The following GNAO1 variants were observed in gnomAD, a reference collection of about 807,000 sequenced individuals.
GNAO1 encodes G protein subunit alpha o1, also known as guanine nucleotide-binding protein G(o) subunit alpha.
For synonymous variants in GNAO1, 164 were observed against 180.7 expected, an observed-to-expected ratio of 0.91 and a Z score of 0.74; for missense variants, 166 against 478.7, an observed-to-expected ratio of 0.35 and a Z score of 6.10.
At chr16:56,207,082 A>G (rs1474627382) in intron 2 of GNAO1, among the ~76,000 whole-genome samples, 1 of 152,260 alleles carries the variant, frequency 6.6e-6, no homozygotes, top group Non-Finnish European at 1.5e-5. Context: ...CAAGCAATTC[A>G]TGATCTCCTT....
At chr16:56,283,249 T>C (rs1348399320) in intron 3 of GNAO1, among the ~76,000 whole-genome samples, 1 of 152,192 alleles carries the variant, frequency 6.6e-6, no homozygotes, top group African/African-American at 2.4e-5. Flanking sequence ...GTTTCCATGC[T>C]TTTTCAGGGT....
chr16:56,334,625 G>A, intron 4 of GNAO1, 104 bp from the exon 5 acceptor site: 1 of 1,215,604 alleles, frequency 8.2e-7, no homozygotes, highest in Non-Finnish European at 1.2e-6. Context: ...CAGTGACCTG[G>A]AGGGGCCCTG....
In GNAO1 at chr16:56,217,282, T is replaced by G. The variant is rs564178164; in HGVS notation, c.161+24666T>G. Among the ~76,000 whole-genome samples, 174 of 152,240 alleles carry G rather than the reference T, an allele frequency of 1.1e-3. 2 individuals are homozygous for G. Among genetic ancestry groups the G allele is most frequent in the Admixed American group, 6.5e-4 (10 of 15,274 alleles). ...TCTGATTTACAATTCAGCAAAAAAG[T>G]GACAGACTGGGTATTCTTGTTCAAT... On this transcript the variant is annotated intron_variant, in intron 2 of 8. Coordinates refer to ENST00000262493, the MANE Select transcript of GNAO1 (RefSeq NM_020988.3).
chr16:56,287,781 G>T lies in GNAO1; in HGVS notation c.303+11709G>T, dbSNP rs151206789. On this transcript the variant is annotated intron_variant, in intron 3 of 8. Coordinates refer to ENST00000262493, the MANE Select transcript of GNAO1 (RefSeq NM_020988.3). ...CACCTGCCCTCTTGCTGGCTTTGCA[G>T]GAGTGGAGCTGAGGAGAGCTGCTTC... Among the ~76,000 whole-genome samples the T allele has an allele frequency of 2.1e-3, 325 of 152,288 alleles. 4 individuals carry two copies. The highest frequency in any genetic ancestry group is 7.5e-3 in the African/African-American group (311 of 41,558).
At chr16:56,343,790 C>T (rs2037831573) in intron 6 of GNAO1, 7 of 1,613,686 alleles carry the variant, frequency 4.3e-6, no homozygotes, top group Non-Finnish European at 5.9e-6. Flanking sequence ...GAAGCCGTGG[C>T]TTACATCCAG....
At chr16:56,216,467 TCA>T (rs2036437708) in intron 2 of GNAO1, among the ~76,000 whole-genome samples, 4 of 152,194 alleles carry the variant, frequency 2.6e-5, no homozygotes, top group Non-Finnish European at 5.9e-5. Context: ...TCTTCATTCT[TCA>T]CATTTGCACC....
intron 2 of GNAO1, among the ~76,000 whole-genome samples, chr16:56,246,593 A>G: frequency 6.6e-6 from 1 of 152,222 alleles, no homozygotes; most frequent in African/African-American, 2.4e-5. Context: ...TCCACGAACC[A>G]GAGGTCTTTG....
chr16:56,213,922 C>T (rs2143340525), intron 2 of GNAO1, among the ~76,000 whole-genome samples: 2 of 152,178 alleles, frequency 1.3e-5, no homozygotes, highest in South Asian at 4.2e-4. Flanking sequence ...GAAAGAAATC[C>T]CCATCACAGA....
At chr16:56,257,146 G>A (rs2036858829) in intron 2 of GNAO1, among the ~76,000 whole-genome samples, 1 of 152,126 alleles carries the variant, frequency 6.6e-6, no homozygotes, top group Admixed American at 6.5e-5. Flanking sequence ...TATTTTCTGT[G>A]GTGGGGAAGG....
rs2037257563 is a variant in GNAO1 at position 56,293,949 on chromosome 16, A to G, written c.303+17877A>G. Among the ~76,000 whole-genome samples the G allele has an allele frequency of 2.0e-5, 3 of 152,182 alleles. No individual in the cohort carries two copies. In the South Asian group the frequency reaches 6.2e-4, roughly 32 times the overall value. On this transcript the variant is annotated intron_variant, in intron 3 of 8. Transcript: ENST00000262493. ...TGATTAACAGCAGTACCTGGCACATATTTCATGCTTAGTAGGTGATAGCTC... is the reference window on the plus strand; with the variant it reads ...TGATTAACAGCAGTACCTGGCACATGTTTCATGCTTAGTAGGTGATAGCTC...
chr16:56,194,186 G>T (rs1272410948), intron 2 of GNAO1: 1 of 456,412 alleles, frequency 2.2e-6, no homozygotes, highest in African/African-American at 2.0e-5. Flanking sequence ...TCTTCGCAGA[G>T]CCCCCCTTGG....
chr16:56,226,776 C>T (rs147793176), intron 2 of GNAO1, among the ~76,000 whole-genome samples: 199 of 152,186 alleles, frequency 1.3e-3, no homozygotes, highest in African/African-American at 4.4e-3. Flanking sequence ...AACAATAAAC[C>T]GAGGATGCAA....
chr16:56,285,951 C>T (rs999565698), intron 3 of GNAO1, among the ~76,000 whole-genome samples: 1 of 152,090 alleles, frequency 6.6e-6, no homozygotes, highest in Non-Finnish European at 1.5e-5. Context: ...CCAGATATAC[C>T]GTGGAGTAGC....
rs563749868 is a variant in GNAO1, at chr16:56,344,292, G to A, written c.724-7092G>A. On this transcript the variant is annotated intron_variant, in intron 6 of 8. Coordinates refer to ENST00000262493, the MANE Select transcript of GNAO1 (RefSeq NM_020988.3). ...ACCTGATGACTCACTGGAAGCCTCG[G>A]AGTGTCCTCCTGTCATCTTGGGTGG... 26 of 1,199,402 alleles carry A rather than the reference G, an allele frequency of 2.2e-5. No homozygotes were observed. In the South Asian group the frequency reaches 5.8e-4, roughly 27 times the overall value. 74.3% of individuals were successfully genotyped at this position (1,199,402 alleles called of 1,614,324 possible). A position where few individuals can be genotyped will look rare whatever the true frequency, so the allele number is the denominator to read the frequency against.
chr16:56,311,035 T>C lies in GNAO1; in HGVS notation c.304-17596T>C, dbSNP rs765756179. The stretch of plus-strand genomic sequence containing the variant: ...TGGCAGGTTGTGGCCTACAGAAAAG[T>C]TCCCGACTAGCAGACCATGAGAGGG... On this transcript the variant is annotated intron_variant, in intron 3 of 8. Transcript: ENST00000262493. The surrounding 1 kb of genome is among the most constrained non-coding windows in gnomAD (Gnocchi z 5.2). Among the ~76,000 whole-genome samples, 2 of 152,172 alleles carry C rather than the reference T, an allele frequency of 1.3e-5. No homozygotes were observed. The highest frequency in any genetic ancestry group is 2.4e-5 in the African/African-American group (1 of 41,432).
chr16:56,218,907 C>T (rs541437899), intron 2 of GNAO1, among the ~76,000 whole-genome samples: 5 of 152,228 alleles, frequency 3.3e-5, no homozygotes, highest in African/African-American at 9.6e-5. Context: ...TTGAACAGAC[C>T]GCCCCTCACT....
chr16:56,222,822 A>G (rs1355533788), intron 2 of GNAO1, among the ~76,000 whole-genome samples: 5 of 152,144 alleles, frequency 3.3e-5, no homozygotes, highest in African/African-American at 1.2e-4. Context: ...TTGCTGCTAG[A>G]TGGTGAAGAC....
intron 2 of GNAO1, among the ~76,000 whole-genome samples, chr16:56,201,421 A>G (rs982187017): frequency 6.6e-6 from 1 of 152,228 alleles, no homozygotes; most frequent in African/African-American, 2.4e-5. Flanking sequence ...ATGAGGAATG[A>G]AAGATTGGAC....
intron 3 of GNAO1, among the ~76,000 whole-genome samples, chr16:56,284,681 C>T (rs3827946): frequency 0.19 from 29,483 of 152,050 alleles, 3,086 homozygotes; most frequent in East Asian, 0.38. Flanking sequence ...TGGGGCCAGA[C>T]AGCAGGTCTG....
Sources: gnomAD v4.1 joint callset for allele counts (sites outside exome capture counted in the v4.1 genomes callset) on GRCh38, gnomAD v4.1.1 for gene constraint, Gnocchi (gnomAD v3.1) non-coding constraint, MANE v1.5 for transcripts, NCBI Gene and HGNC (gene_info 2026-07-23, HGNC 2026-07-21) for gene names.